The following CRYBG3 variants were observed in gnomAD, a reference collection of about 807,000 sequenced individuals.
The protein encoded by CRYBG3 is crystallin beta-gamma domain containing 3.
In CRYBG3, 127 loss-of-function variants were observed where a neutral mutation model predicts 244.2. The ratio of observed to expected loss-of-function variants is 0.52; its 90% CI spans 0.45 to 0.60. The LOEUF (loss-of-function observed/expected upper bound fraction) is 0.60, where lower values mean the gene tolerates loss of function less well. CRYBG3 is among the 20% of genes least tolerant of loss of function. CRYBG3 has a pLI of 0.00. For missense variants in CRYBG3, 3,325 were observed against 3,442.5 expected, an observed-to-expected ratio of 0.97 and a Z score of 0.85; for synonymous variants, 1,132 against 1,195.8, an observed-to-expected ratio of 0.95 and a Z score of 1.10.
At chr3:97,925,120 CAAAT>C (rs1444708983) in intron 17 of CRYBG3, among the ~76,000 whole-genome samples, 1 of 151,596 alleles carries the variant, frequency 6.6e-6, no homozygotes, top group African/African-American at 2.4e-5. Context: ...CCTGTCTCTA[CAAAT>C]AAATAAATAA....
chr3:97,852,812 C>G (rs1219853949), intron 2 of CRYBG3, among the ~76,000 whole-genome samples: 1 of 152,080 alleles, frequency 6.6e-6, no homozygotes, highest in Admixed American at 6.5e-5. Context: ...TAACAGTTCC[C>G]TTTTCTCTAC....
rs937218802 is a variant in CRYBG3, at chr3:97,873,081, T to A, written c.1887T>A (p.Ser629Arg). ...CAGAAACTCCTCTTGACTCTGAGAG[T>A]CCTCAACAAGCTGAAGTATCACCTG... is the stretch of plus-strand genomic sequence containing the variant. ...HISETPLDSE[S>R]PQQAEVSPDA... Residue 629 changes from serine (S) to arginine (R), a missense_variant, in exon 4 of 22, where the codon AGT becomes AGA. Transcript: ENST00000389622. 6.5e-7 allele frequency: 1 copy of A among 1,534,754 alleles called. No homozygotes were observed. Among genetic ancestry groups the A allele is most frequent in the Non-Finnish European group, 8.7e-7 (1 of 1,146,436 alleles).
At chr3:97,919,281 A>G (rs1222921613) in intron 17 of CRYBG3, among the ~76,000 whole-genome samples, 1 of 151,878 alleles carries the variant, frequency 6.6e-6, no homozygotes, top group African/African-American at 2.4e-5. Context: ...AAATTCATTT[A>G]GAATTCTAAA....
In CRYBG3 at chr3:97,881,252, G is replaced by T. The variant is rs548993432; in HGVS notation, c.7152+33G>T. On this transcript the variant is annotated intron_variant, in intron 7 of 21. Coordinates refer to ENST00000389622, the MANE Select transcript of CRYBG3 (RefSeq NM_153605.4). The stretch of plus-strand genomic sequence containing the variant: ...CTGTAGATTTTTCTATTTTTTATTT[G>T]ATTTTATTTATCATATAGTAAACCT... 3 of 1,477,992 alleles carry T rather than the reference G, an allele frequency of 2.0e-6. No homozygotes were observed. In the South Asian group the frequency reaches 3.8e-5, roughly 19 times the overall value. 91.6% of individuals were successfully genotyped at this position (1,477,992 alleles called of 1,614,324 possible). A position where few individuals can be genotyped will look rare whatever the true frequency, so the allele number is the denominator to read the frequency against.
chr3:97,941,395 A>G, intron 20 of CRYBG3, 89 bp downstream of exon 20: 3 of 904,102 alleles, frequency 3.3e-6, no homozygotes, highest in Non-Finnish European at 4.9e-6. Context: ...TGGCATGATA[A>G]AACAATGCAA....
intron 17 of CRYBG3, among the ~76,000 whole-genome samples, chr3:97,916,445 T>A (rs993724513): frequency 2.0e-5 from 3 of 152,128 alleles, no homozygotes; most frequent in Non-Finnish European, 4.4e-5. Context: ...AAATGTGAGA[T>A]AAATGGGATC....
chr3:97,825,598 CTT>C (rs2038567558), intron 1 of CRYBG3, among the ~76,000 whole-genome samples: 1 of 152,190 alleles, frequency 6.6e-6, no homozygotes, highest in Non-Finnish European at 1.5e-5. Context: ...GAACTGGACT[CTT>C]TTGTCCTTTG....
At chr3:97,905,888 T>A (rs1375119030) in intron 15 of CRYBG3, among the ~76,000 whole-genome samples, 136 of 131,072 alleles carry the variant, frequency 1.0e-3, no homozygotes, top group East Asian at 2.5e-3. Context: ...GTCTAACGTT[T>A]AAGTCTTTAA....
At chr3:97,923,955 C>T (rs2040012704) in intron 17 of CRYBG3, among the ~76,000 whole-genome samples, 1 of 151,976 alleles carries the variant, frequency 6.6e-6, no homozygotes, top group South Asian at 2.1e-4. Context: ...GCAAGCTTAT[C>T]CTATGATTAA....
rs73851088 is a variant in CRYBG3 at position 97,912,287 on chromosome 3, T to C, written c.8114+11T>C. ...AGTTCTTCGAGGTTGGTAAGTATGC[T>C]TACTTAGTGGTTTCTGCTGTTATTT... On this transcript the variant is annotated intron_variant, in intron 16 of 21. Transcript: ENST00000389622. 1.3e-3 allele frequency: 1,776 copies of C among 1,402,404 alleles called. 21 individuals are homozygous for C. The African/African-American group carries it at 0.021, about 17-fold the overall frequency. The allele number at this position is 1,402,404 out of a possible 1,614,324, so 86.9% of individuals were successfully genotyped here. A position where few individuals can be genotyped will look rare whatever the true frequency, so the allele number is the denominator to read the frequency against.
intron 7 of CRYBG3, among the ~76,000 whole-genome samples, chr3:97,886,372 C>T (rs572691141): frequency 2.6e-5 from 4 of 151,584 alleles, no homozygotes; most frequent in South Asian, 4.2e-4. Flanking sequence ...CTTAATGGAA[C>T]GAATCTTTAA....
chr3:97,922,410 A>T (rs911186586), intron 17 of CRYBG3, among the ~76,000 whole-genome samples: 2 of 152,180 alleles, frequency 1.3e-5, no homozygotes, highest in African/African-American at 4.8e-5. Context: ...CAACCTACAG[A>T]ATGGGAGAAA....
At chr3:97,867,665 T>A (rs945174496) in intron 3 of CRYBG3, among the ~76,000 whole-genome samples, 2 of 152,230 alleles carry the variant, frequency 1.3e-5, no homozygotes, top group African/African-American at 4.8e-5. Flanking sequence ...TTCTTCTTAC[T>A]GTTCTTTGGA....
intron 17 of CRYBG3, among the ~76,000 whole-genome samples, chr3:97,930,017 A>G (rs2040081025): frequency 6.6e-6 from 1 of 152,112 alleles, no homozygotes; most frequent in South Asian, 2.1e-4. Context: ...GCATTCTGCA[A>G]AAGGAAGAGG....
chr3:97,824,360 C>T (rs2038550866), intron 1 of CRYBG3, among the ~76,000 whole-genome samples: 1 of 152,026 alleles, frequency 6.6e-6, no homozygotes, highest in South Asian at 2.1e-4. Flanking sequence ...GCTGGGTATA[C>T]CTTCTGTAGT....
At chr3:97,893,222 C>A (rs1559735522) in intron 11 of CRYBG3, among the ~76,000 whole-genome samples, 1 of 152,194 alleles carries the variant, frequency 6.6e-6, no homozygotes, top group East Asian at 1.9e-4. Context: ...AACTGCAGCA[C>A]CTTGTATTTC....
chr3:97,881,247 T>C, intron 7 of CRYBG3, 28 bp downstream of exon 7: 1 of 1,477,406 alleles, frequency 6.8e-7, no homozygotes, highest in East Asian at 2.3e-5. Flanking sequence ...TTCTATTTTT[T>C]ATTTGATTTT....
Position 97,872,780 on chromosome 3 carries a change from G to A in CRYBG3, c.1586G>A (p.Arg529Gln), listed in dbSNP as rs762657499. 18 of 1,535,876 alleles carry A rather than the reference G, an allele frequency of 1.2e-5. No homozygotes were observed. Among genetic ancestry groups the A allele is most frequent in the Non-Finnish European group, 1.4e-5 (16 of 1,146,752 alleles). Residue 529 changes from arginine to glutamine, a missense_variant, in exon 4 of 22, where the codon CGA becomes CAA. Arg to Gln is a conservative substitution (Grantham distance 43, BLOSUM62 1). This residue lies in a region of CRYBG3 where 1,526 missense variants were observed against 1,443.2 expected (regional missense o/e 1.06). Coordinates refer to ENST00000389622, the MANE Select transcript of CRYBG3 (RefSeq NM_153605.4). Reference protein sequence around the residue: ...QKNVAVREIRRETESASAGES... With the variant: ...QKNVAVREIRQETESASAGES... ...AATGTGGCTGTTAGAGAAATCAGGC[G>A]AGAAACAGAAAGTGCCTCAGCTGGT...
intron 8 of CRYBG3, among the ~76,000 whole-genome samples, chr3:97,886,987 A>C (rs2039515841): frequency 6.6e-6 from 1 of 152,158 alleles, no homozygotes; most frequent in African/African-American, 2.4e-5. Context: ...TGATATATGG[A>C]TCTATTGTCT....
Sources: gnomAD v4.1 joint callset for allele counts (sites outside exome capture counted in the v4.1 genomes callset) on GRCh38, gnomAD v4.1.1 for gene constraint, gnomAD v4.1.1 regional missense constraint, MANE v1.5 for transcripts, NCBI Gene and HGNC (gene_info 2026-07-23, HGNC 2026-07-21) for gene names.